Variants in ADAMTSL1 observed in about 807,000 individuals in gnomAD.
ADAMTSL1 encodes the protein ADAMTS like 1, also known as ADAMTS-like protein 1.
ADAMTSL1 carries 126 observed loss-of-function variants against 201.8 expected under a neutral mutation model. The observed-to-expected ratio is 0.62, with a 90% CI of 0.54 to 0.72. The LOEUF is 0.72. Among genes scored for constraint, ADAMTSL1 ranks in the 30% least tolerant of loss-of-function variants. The pLI is 0.00. For synonymous variants in ADAMTSL1, 1,121 were observed against 903.4 expected (o/e 1.24, Z -4.32); for missense variants, 2,679 against 2,277.8 (o/e 1.18, Z -3.59).
chr9:18,228,764 C>T (rs80047868), intron 2 of ADAMTSL1, among the ~76,000 whole-genome samples: 1,818 of 151,770 alleles, frequency 0.012, 47 homozygotes, highest in African/African-American at 0.042. Context: ...AAGTATAAGT[C>T]GAGTTTTAAT....
At position 18,547,122 on chromosome 9, in the gene ADAMTSL1, A is replaced by G. The variant is rs957308328; in HGVS notation, c.237+13830A>G. On this transcript the variant is annotated intron_variant, in intron 3 of 28. Coordinates refer to ENST00000380548, the MANE Select transcript of ADAMTSL1 (RefSeq NM_001040272.6). ...GATCGTTTTTGACTACATGCAAAGC[A>G]TTGCTCTAGGAGCAAATGAAAATAA... is the stretch of plus-strand genomic sequence containing the variant. 1.8e-3 allele frequency among the ~76,000 whole-genome samples: 267 copies of G among 152,226 alleles called. 1 individual carries two copies. Among genetic ancestry groups the G allele is most frequent in the African/African-American group, 6.1e-3 (255 of 41,546 alleles).
At chr9:17,999,581 C>T (rs971988968) in intron 1 of ADAMTSL1, among the ~76,000 whole-genome samples, 3 of 148,514 alleles carry the variant, frequency 2.0e-5, no homozygotes, top group East Asian at 1.9e-4. Context: ...TTTTAGTGTG[C>T]CCCCCAGAAA....
intron 13 of ADAMTSL1, among the ~76,000 whole-genome samples, chr9:18,688,478 G>A (rs1830979933): frequency 6.7e-6 from 1 of 148,996 alleles, no homozygotes; most frequent in Non-Finnish European, 1.5e-5. Flanking sequence ...ACCAGCCTGG[G>A]CAACATAGCA....
intron 3 of ADAMTSL1, among the ~76,000 whole-genome samples, chr9:18,556,979 C>T (rs1412561869): frequency 6.6e-6 from 1 of 151,870 alleles, no homozygotes; most frequent in Non-Finnish European, 1.5e-5. Context: ...TAACCATGAA[C>T]TTGGGTATCT....
intron 1 of ADAMTSL1, among the ~76,000 whole-genome samples, chr9:17,965,824 G>C (rs1817959893): frequency 6.6e-6 from 1 of 152,136 alleles, no homozygotes; most frequent in African/African-American, 2.4e-5. Context: ...GGTCTGCTCA[G>C]AACTCTCAGA....
In ADAMTSL1 at chr9:18,633,434, A is replaced by G. The variant is rs570058881; in HGVS notation, c.602-2509A>G. On this transcript the variant is annotated intron_variant, in intron 5 of 28. Transcript: ENST00000380548. ...GTGAAACCCCGTCTCTACTAAAAAT[A>G]CAAAAATTAGCCGGGCTGCAGTGGC... Among the ~76,000 whole-genome samples the G allele has an allele frequency of 8.5e-5, 13 of 152,232 alleles. No individual in the cohort carries two copies. In the East Asian group the frequency reaches 1.4e-3, roughly 16 times the overall value.
intron 15 of ADAMTSL1, among the ~76,000 whole-genome samples, chr9:18,735,098 T>A (rs1378701525): frequency 1.3e-5 from 2 of 152,204 alleles, no homozygotes; most frequent in African/African-American, 4.8e-5. Flanking sequence ...TTTCATGTGT[T>A]CTCCAAGGTA....
At chr9:18,156,447 A>C (rs1179598219) in intron 1 of ADAMTSL1, among the ~76,000 whole-genome samples, 1 of 151,978 alleles carries the variant, frequency 6.6e-6, no homozygotes, top group African/African-American at 2.4e-5. Context: ...GACCAATATA[A>C]ACATTTGCCA....
At chr9:18,015,240 T>G (rs368653117) in intron 1 of ADAMTSL1, among the ~76,000 whole-genome samples, 2 of 152,008 alleles carry the variant, frequency 1.3e-5, no homozygotes, top group Admixed American at 1.3e-4. Context: ...TCTCTGGTGC[T>G]CTCTCTCAAT....
chr9:18,547,633 T>TTAAAA (rs1820550518), intron 3 of ADAMTSL1, among the ~76,000 whole-genome samples: 1 of 86,268 alleles, frequency 1.2e-5, no homozygotes, highest in African/African-American at 5.2e-5. Context: ...TATATATATA[T>TTAAAA]AAAAAAAAAA....
intron 2 of ADAMTSL1, among the ~76,000 whole-genome samples, chr9:18,346,932 T>A (rs1265900076): frequency 9.2e-5 from 14 of 152,154 alleles, no homozygotes; most frequent in Admixed American, 9.2e-4. Context: ...TTCCATTCAT[T>A]TTCCAGTAGA....
Position 18,909,762 on chromosome 9 carries a change from C to T in ADAMTSL1, c.*1214C>T, listed in dbSNP as rs1275857439. 3 of 152,224 alleles carry T rather than the reference C, an allele frequency of 2.0e-5. No individual in the cohort carries two copies. Among genetic ancestry groups the T allele is most frequent in the Non-Finnish European group, 4.4e-5 (3 of 68,106 alleles). The allele number at this position is 152,224 out of a possible 1,614,324, so 9.4% of individuals were successfully genotyped here. A position where few individuals can be genotyped will look rare whatever the true frequency, so the allele number is the denominator to read the frequency against. ...TGCGTGTCCACAGTACACCCTCCCT[C>T]TCCCAGCCTCCACCCCAGGGTCTGC... On this transcript the variant is annotated 3_prime_UTR_variant, in exon 29 of 29. Transcript: ENST00000380548.
chr9:18,343,034 G>GTTT (rs570325309), intron 2 of ADAMTSL1, among the ~76,000 whole-genome samples: 6 of 145,554 alleles, frequency 4.1e-5, no homozygotes, highest in African/African-American at 1.5e-4. Flanking sequence ...TTTTTGTTTT[G>GTTT]TTTTTTTTTT....
At chr9:17,987,039 C>T (rs530109094) in intron 1 of ADAMTSL1, among the ~76,000 whole-genome samples, 1 of 152,198 alleles carries the variant, frequency 6.6e-6, no homozygotes, top group South Asian at 2.1e-4. Flanking sequence ...TCCCACTAAT[C>T]CCTTGCAGTT....
At chr9:18,888,454 C>T (rs919404537) in intron 24 of ADAMTSL1, among the ~76,000 whole-genome samples, 1 of 152,208 alleles carries the variant, frequency 6.6e-6, no homozygotes, top group African/African-American at 2.4e-5. Flanking sequence ...CCAGTGCCTG[C>T]TGATCATTCT....
intron 4 of ADAMTSL1, among the ~76,000 whole-genome samples, chr9:18,575,995 A>G (rs1822700337): frequency 6.6e-6 from 1 of 152,182 alleles, no homozygotes; most frequent in Non-Finnish European, 1.5e-5. Flanking sequence ...AGAGAATCCT[A>G]TCTCAGTTGC....
chr9:18,487,225 T>C (rs1822043405), intron 1 of ADAMTSL1, among the ~76,000 whole-genome samples: 1 of 152,250 alleles, frequency 6.6e-6, no homozygotes, highest in Non-Finnish European at 1.5e-5. Context: ...TGTTTCTTTA[T>C]TAATCAGATT....
At chr9:18,048,714 A>T (rs1821784149) in intron 1 of ADAMTSL1, among the ~76,000 whole-genome samples, 1 of 152,206 alleles carries the variant, frequency 6.6e-6, no homozygotes, top group Non-Finnish European at 1.5e-5. Flanking sequence ...TATACCAGAC[A>T]TCGTGAGTTG....
chr9:18,532,409 A>C (rs1443667709), intron 2 of ADAMTSL1, among the ~76,000 whole-genome samples: 1 of 152,192 alleles, frequency 6.6e-6, no homozygotes, highest in East Asian at 1.9e-4. Flanking sequence ...ACACATGCAC[A>C]AAGATGGTTT....
Sources: gnomAD v4.1 joint callset for allele counts (sites outside exome capture counted in the v4.1 genomes callset) on GRCh38, gnomAD v4.1.1 for gene constraint, MANE v1.5 for transcripts, NCBI Gene and HGNC (gene_info 2026-07-23, HGNC 2026-07-21) for gene names.